ZBTB8A: variants seen among roughly 807,000 people sequenced by gnomAD.
ZBTB8A encodes the protein zinc finger and BTB domain containing 8A.
In ZBTB8A, 19 loss-of-function variants were observed where a neutral mutation model predicts 37.8. The ratio of observed to expected loss-of-function variants is 0.50; its 90% CI spans 0.35 to 0.74. ZBTB8A has a LOEUF of 0.74. Among genes scored for constraint, ZBTB8A ranks in the 30% least tolerant of loss-of-function variants. The pLI is 0.01. For missense variants in ZBTB8A, 394 were observed against 537.8 expected (o/e 0.73, Z 2.65); for synonymous variants, 181 against 185.2 (o/e 0.98, Z 0.19).
chr1:32,596,449 C>T (rs1644532432), intron 4 of ZBTB8A, among the ~76,000 whole-genome samples: 2 of 151,210 alleles, frequency 1.3e-5, no homozygotes, highest in Non-Finnish European at 2.9e-5. Context: ...GGCATGGTAG[C>T]GCACACCTAT....
Position 32,605,070 on chromosome 1 carries a change from GAA to G in ZBTB8A, c.*4652_*4653del, listed in dbSNP as rs1644604257. 6.8e-6 allele frequency: 1 copy of G among 148,134 alleles called. No individual in the cohort carries two copies. Among genetic ancestry groups the G allele is most frequent in the African/African-American group, 2.5e-5 (1 of 39,700 alleles). 9.2% of individuals were successfully genotyped at this position (148,134 alleles called of 1,614,324 possible). Reference sequence around the variant, plus strand: ...GGAGGCTGAGGCAGGAGAATCGCTTGAACCCGGGAGGTGGAGGTTGCAGTGGC... The same window carrying G: ...GGAGGCTGAGGCAGGAGAATCGCTTGCCCGGGAGGTGGAGGTTGCAGTGGC... On this transcript the variant is annotated 3_prime_UTR_variant, in exon 5 of 5. Transcript: ENST00000373510.
intron 4 of ZBTB8A, among the ~76,000 whole-genome samples, chr1:32,596,213 CA>C (rs1276820532): frequency 6.6e-6 from 1 of 151,530 alleles, no homozygotes; most frequent in African/African-American, 2.4e-5. Context: ...ACTAAAAATA[CA>C]AAAAAATTAG....
intron 4 of ZBTB8A, among the ~76,000 whole-genome samples, chr1:32,597,247 G>A (rs557706915): frequency 3.9e-5 from 6 of 151,958 alleles, no homozygotes; most frequent in South Asian, 2.1e-4. Context: ...CATCCACCTC[G>A]GCCTCCCAAA....
At chr1:32,557,928 T>C (rs1454601631) in intron 2 of ZBTB8A, among the ~76,000 whole-genome samples, 1 of 152,208 alleles carries the variant, frequency 6.6e-6, no homozygotes, top group African/African-American at 2.4e-5. Flanking sequence ...TGACTGACTT[T>C]CCACATCACT....
At chr1:32,595,336 C>T in intron 4 of ZBTB8A, 113 bp downstream of exon 4, 2 of 1,028,522 alleles carry the variant, frequency 1.9e-6, no homozygotes, top group Non-Finnish European at 2.8e-6. Context: ...GGTGTAATCT[C>T]AGCTCGCTGC....
At position 32,601,633 on chromosome 1, in the gene ZBTB8A, GTC is replaced by G. The variant is rs1256296552; in HGVS notation, c.*1216_*1217del. On this transcript the variant is annotated 3_prime_UTR_variant, in exon 5 of 5. Transcript: ENST00000373510. ...CAAATGAGGAAATTAAGGTCAGAAA[GTC>G]TGAGAGAGAAAACTGATGATTGGAC... 1 of 398,496 alleles carries G rather than the reference GTC, an allele frequency of 2.5e-6. No homozygotes were observed. The highest frequency in any genetic ancestry group is 2.1e-5 in the African/African-American group (1 of 48,646). The allele number at this position is 398,496 out of a possible 1,614,324, so 24.7% of individuals were successfully genotyped here. A position where few individuals can be genotyped will look rare whatever the true frequency, so the allele number is the denominator to read the frequency against.
At chr1:32,545,303 T>C (rs1424354320) in intron 1 of ZBTB8A, among the ~76,000 whole-genome samples, 2 of 152,198 alleles carry the variant, frequency 1.3e-5, no homozygotes, top group African/African-American at 4.8e-5. Context: ...TAGTATCTCA[T>C]TGTGATTTTG....
chr1:32,589,809 C>G (rs1229103030), intron 2 of ZBTB8A, among the ~76,000 whole-genome samples: 1 of 152,240 alleles, frequency 6.6e-6, no homozygotes, highest in East Asian at 1.9e-4. Context: ...GCCTCGGCCT[C>G]TCAAAGTGCT....
rs770311014 is a variant in ZBTB8A at position 32,593,430 on chromosome 1, A to T, written c.499A>T (p.Ser167Cys). Reference protein sequence around the residue: ...EGSSSPRSHLSPEQGTGIISG... With the variant: ...EGSSSPRSHLCPEQGTGIISG... ...AAGCAGTTCTCCACGTTCTCACCTA[A>T]GCCCAGAGCAAGGAACAGGTATAAT... Residue 167 changes from serine (S) to cysteine (C), a missense_variant, in exon 3 of 5, where the codon AGC becomes TGC. Physicochemically the swap from Ser to Cys is moderately radical, Grantham distance 112 (BLOSUM62 -1). Around this residue, in one of 4 missense-constraint regions of ZBTB8A, gnomAD observed 171 missense variants for 186.8 expected, o/e 0.92. Coordinates refer to ENST00000373510, the MANE Select transcript of ZBTB8A (RefSeq NM_001040441.3). The T allele has an allele frequency of 6.2e-7, 1 of 1,613,898 alleles. No homozygotes were observed. Among genetic ancestry groups the T allele is most frequent in the East Asian group, 2.2e-5 (1 of 44,892 alleles).
intron 2 of ZBTB8A, among the ~76,000 whole-genome samples, chr1:32,564,383 G>C (rs374364854): frequency 5.3e-5 from 8 of 152,210 alleles, no homozygotes; most frequent in East Asian, 1.9e-4. Flanking sequence ...TTTAAGTCTG[G>C]AGCTTTTATG....
In ZBTB8A at chr1:32,604,229, G is replaced by C. The variant is rs903290336; in HGVS notation, c.*3810G>C. 39 of 152,218 alleles carry C rather than the reference G, an allele frequency of 2.6e-4. No individual in the cohort carries two copies. Among genetic ancestry groups the C allele is most frequent in the African/African-American group, 8.9e-4 (37 of 41,516 alleles). 9.4% of individuals were successfully genotyped at this position (152,218 alleles called of 1,614,324 possible). ...CCACTGCAGTCATGCCTAGTGTCTG[G>C]GAGAAACAAAATGGACTAGACCTGC... is the stretch of plus-strand genomic sequence containing the variant. On this transcript the variant is annotated 3_prime_UTR_variant, in exon 5 of 5. Coordinates refer to ENST00000373510, the MANE Select transcript of ZBTB8A (RefSeq NM_001040441.3).
At chr1:32,554,773 C>G (rs1358271792) in intron 2 of ZBTB8A, among the ~76,000 whole-genome samples, 1 of 152,114 alleles carries the variant, frequency 6.6e-6, no homozygotes, top group Non-Finnish European at 1.5e-5. Flanking sequence ...GCCACCGCAC[C>G]CGGCTTTATC....
chr1:32,563,222 TG>T (rs1644256346), intron 2 of ZBTB8A, among the ~76,000 whole-genome samples: 2 of 152,042 alleles, frequency 1.3e-5, no homozygotes, highest in South Asian at 4.1e-4. Flanking sequence ...AGAATGAGGT[TG>T]GGGGTGGGAA....
chr1:32,549,857 G>C (rs2148215689), intron 1 of ZBTB8A, among the ~76,000 whole-genome samples: 1 of 152,306 alleles, frequency 6.6e-6, no homozygotes, highest in African/African-American at 2.4e-5. Context: ...TTTGACACTG[G>C]AATGCTGCTA....
At position 32,600,549 on chromosome 1, in the gene ZBTB8A, T is replaced by G. The variant is rs1644568297; in HGVS notation, c.*130T>G. The G allele has an allele frequency of 5.6e-6, 4 of 710,806 alleles. No individual in the cohort carries two copies. The South Asian group carries it at 7.6e-5, about 13-fold the overall frequency. 44.0% of individuals were successfully genotyped at this position (710,806 alleles called of 1,614,324 possible). On this transcript the variant is annotated 3_prime_UTR_variant, in exon 5 of 5. Coordinates refer to ENST00000373510, the MANE Select transcript of ZBTB8A (RefSeq NM_001040441.3). The stretch of plus-strand genomic sequence containing the variant: ...CTTTAAAGAAATGATCTGATATAAC[T>G]TGCATGCTTTCTGAACAGGCCATTG...
intron 2 of ZBTB8A, among the ~76,000 whole-genome samples, chr1:32,570,210 C>T (rs922196244): frequency 3.9e-5 from 6 of 152,068 alleles, no homozygotes; most frequent in Non-Finnish European, 8.8e-5. Context: ...ATAAAGTAAA[C>T]CTGACTAAAA....
rs1039580927 is a variant in ZBTB8A, at chr1:32,600,659, A to G, written c.*240A>G. The G allele has an allele frequency of 3.9e-5, 17 of 432,336 alleles. No homozygotes were observed. The highest frequency in any genetic ancestry group is 6.2e-5 in the Non-Finnish European group (15 of 242,174). The allele number at this position is 432,336 out of a possible 1,614,324, so 26.8% of individuals were successfully genotyped here. A position where few individuals can be genotyped will look rare whatever the true frequency, so the allele number is the denominator to read the frequency against. ...CTTGAGTTGGCTTGATGGATGAACA[A>G]TTATCCTCTTACTTTCATTACAATC... On this transcript the variant is annotated 3_prime_UTR_variant, in exon 5 of 5. Transcript: ENST00000373510.
chr1:32,542,987 G>C (rs1197817833), intron 1 of ZBTB8A, among the ~76,000 whole-genome samples: 1 of 151,132 alleles, frequency 6.6e-6, no homozygotes, highest in East Asian at 1.9e-4. Context: ...GATGACTCAA[G>C]AGTACTACTA....
chr1:32,601,791 T>C lies in ZBTB8A; in HGVS notation c.*1372T>C, dbSNP rs1644578006. The C allele has an allele frequency of 5.0e-6, 2 of 397,624 alleles. No homozygotes were observed. The highest frequency in any genetic ancestry group is 1.3e-4 in the South Asian group (1 of 7,600). 24.6% of individuals were successfully genotyped at this position (397,624 alleles called of 1,614,324 possible). A position where few individuals can be genotyped will look rare whatever the true frequency, so the allele number is the denominator to read the frequency against. Reference sequence around the variant, plus strand: ...ATAAGCCAATCAGAATTAGAAAGTATGAAAGGAGGAATTGAATCATTTTCA... The same window carrying C: ...ATAAGCCAATCAGAATTAGAAAGTACGAAAGGAGGAATTGAATCATTTTCA... On this transcript the variant is annotated 3_prime_UTR_variant, in exon 5 of 5. Transcript: ENST00000373510.
Sources: gnomAD v4.1 joint callset for allele counts (sites outside exome capture counted in the v4.1 genomes callset) on GRCh38, gnomAD v4.1.1 for gene constraint, gnomAD v4.1.1 regional missense constraint, MANE v1.5 for transcripts, NCBI Gene and HGNC (gene_info 2026-07-23, HGNC 2026-07-21) for gene names.